Variants in OSBPL6 observed in about 807,000 individuals in gnomAD.
OSBPL6 encodes oxysterol binding protein like 6.
OSBPL6 carries 49 observed loss-of-function variants against 125.8 expected under a neutral mutation model. The ratio of observed to expected loss-of-function variants is 0.39; its 90% CI spans 0.31 to 0.49. OSBPL6 has a LOEUF of 0.49. Ranked by LOEUF, OSBPL6 falls within the 20% of genes least tolerant of loss-of-function variation. OSBPL6 has a pLI of 0.88. For synonymous variants in OSBPL6, 394 were observed against 391.8 expected, an observed-to-expected ratio of 1.01 and a Z score of -0.07; for missense variants, 986 against 1,135.4, an observed-to-expected ratio of 0.87 and a Z score of 1.89.
intron 3 of OSBPL6, among the ~76,000 whole-genome samples, chr2:178,317,079 C>A (rs181571678): frequency 6.6e-6 from 1 of 151,580 alleles, no homozygotes; most frequent in African/African-American, 2.4e-5. Flanking sequence ...CTGTTTTCCC[C>A]CCAAAATTTC....
intron 1 of OSBPL6, among the ~76,000 whole-genome samples, chr2:178,248,457 A>G (rs753503309): frequency 6.6e-6 from 1 of 152,112 alleles, no homozygotes; most frequent in Non-Finnish European, 1.5e-5. Flanking sequence ...TTCTTGATGC[A>G]TATTGTTGAA....
rs987643788 is a variant in OSBPL6 at position 178,256,550 on chromosome 2, G to A, written c.-350-28377G>A. ...TTAGCCAGTGCTTCTCAAGGAAGTC[G>A]TGTGGAAAAGAGTGAATGCAGCGTC... On this transcript the variant is annotated intron_variant, in intron 1 of 24. Transcript: ENST00000190611. Among the ~76,000 whole-genome samples, 14 of 152,294 alleles carry A rather than the reference G, an allele frequency of 9.2e-5. No individual in the cohort carries two copies. In the East Asian group the frequency reaches 9.6e-4, roughly 10 times the overall value.
intron 3 of OSBPL6, chr2:178,320,233 A>G (rs920086910): frequency 2.1e-5 from 34 of 1,589,598 alleles, no homozygotes; most frequent in Non-Finnish European, 2.6e-5. Context: ...GACTACAGTC[A>G]TGTTGGCACA....
chr2:178,336,981 T>C (rs1283291242), intron 9 of OSBPL6, among the ~76,000 whole-genome samples: 1 of 152,252 alleles, frequency 6.6e-6, no homozygotes, highest in African/African-American at 2.4e-5. Flanking sequence ...TGCTCCACTG[T>C]GGATCAGTGA....
intron 1 of OSBPL6, among the ~76,000 whole-genome samples, chr2:178,225,276 A>G (rs2090509522): frequency 6.6e-6 from 1 of 151,980 alleles, no homozygotes; most frequent in Admixed American, 6.6e-5. Flanking sequence ...AAAAGAAAAG[A>G]AAAAAGGCTG....
intron 1 of OSBPL6, among the ~76,000 whole-genome samples, chr2:178,257,384 G>A (rs896529109): frequency 1.3e-5 from 2 of 152,080 alleles, no homozygotes; most frequent in Admixed American, 6.5e-5. Context: ...GAATCATATA[G>A]TATACTTTGT....
intron 15 of OSBPL6, among the ~76,000 whole-genome samples, chr2:178,379,355 G>GAA (rs1559314895): frequency 3.1e-5 from 4 of 129,696 alleles, no homozygotes; most frequent in Non-Finnish European, 5.0e-5. Flanking sequence ...AGGGAGGGAG[G>GAA]GGAAGGAAGG....
intron 1 of OSBPL6, among the ~76,000 whole-genome samples, chr2:178,247,272 C>T (rs2091530331): frequency 6.6e-6 from 1 of 151,314 alleles, no homozygotes; most frequent in Non-Finnish European, 1.5e-5. Flanking sequence ...TGGTGTTGTC[C>T]ATTTCTGTTC....
intron 1 of OSBPL6, among the ~76,000 whole-genome samples, chr2:178,215,552 C>T (rs762149920): frequency 3.3e-5 from 5 of 151,978 alleles, no homozygotes; most frequent in Admixed American, 2.0e-4. Flanking sequence ...GGAGTATAGA[C>T]GGTGAGAGAG....
intron 23 of OSBPL6, 90 bp downstream of exon 23, chr2:178,392,628 G>A (rs1695505774): frequency 1.3e-6 from 2 of 1,490,774 alleles, no homozygotes; most frequent in Non-Finnish European, 1.8e-6. Flanking sequence ...GGCTGAGGAG[G>A]GAAGATCACT....
rs371495912 is a variant in OSBPL6, at chr2:178,374,003, C to T, written c.1509C>T (p.Leu503=). The change falls in exon 15 of 25, where the codon CTC becomes CTT. Residue 503 remains leucine, a synonymous_variant. Transcript: ENST00000190611. ...TCTTTGATGCCCAAGAGGTGCTCCT[C>T]TCTGCAAGTTCGTCAGAGAATGAGG... is the stretch of plus-strand genomic sequence containing the variant. ...SEFFDAQEVL[L]SASSSENEAS... 13 of 1,613,972 alleles carry T rather than the reference C, an allele frequency of 8.1e-6. No homozygotes were observed. In the East Asian group the frequency reaches 2.2e-4, roughly 28 times the overall value.
intron 17 of OSBPL6, 106 bp downstream of exon 17, chr2:178,383,383 A>C (rs572860222): frequency 9.2e-6 from 13 of 1,412,614 alleles, no homozygotes; most frequent in Non-Finnish European, 1.2e-5. Flanking sequence ...TAATATTCTT[A>C]CTGCATAGTA....
chr2:178,304,177 C>T (rs1686545676), intron 2 of OSBPL6, among the ~76,000 whole-genome samples: 1 of 152,122 alleles, frequency 6.6e-6, no homozygotes, highest in Non-Finnish European at 1.5e-5. Context: ...CTCATGTCGT[C>T]ATATGGCAGG....
chr2:178,277,893 C>A (rs1451638032), intron 1 of OSBPL6, among the ~76,000 whole-genome samples: 1 of 152,166 alleles, frequency 6.6e-6, no homozygotes, highest in Non-Finnish European at 1.5e-5. Flanking sequence ...AGTATGATCA[C>A]GTGGCTCTCC....
chr2:178,240,553 AAACT>A (rs1030320760), intron 1 of OSBPL6, among the ~76,000 whole-genome samples: 16 of 152,156 alleles, frequency 1.1e-4, no homozygotes, highest in East Asian at 9.7e-4. Context: ...GGGCGTCTCA[AAACT>A]AACTAACTAA....
At position 178,398,279 on chromosome 2, in the gene OSBPL6, C is replaced by T. The variant is rs760181570; in HGVS notation, c.*2720C>T. 17 of 152,176 alleles carry T rather than the reference C, an allele frequency of 1.1e-4. No individual in the cohort carries two copies. Among genetic ancestry groups the T allele is most frequent in the Admixed American group, 3.3e-4 (5 of 15,290 alleles). The allele number at this position is 152,176 out of a possible 1,614,324, so 9.4% of individuals were successfully genotyped here. ...AACCTTTTTATTTCAGGCCTACTTT[C>T]TTGTTTTTTCCTAAAAGGATCTAGG... On this transcript the variant is annotated 3_prime_UTR_variant, in exon 25 of 25. Coordinates refer to ENST00000190611, the MANE Select transcript of OSBPL6 (RefSeq NM_032523.4).
At chr2:178,305,844 TCC>T (rs1686712979) in intron 2 of OSBPL6, among the ~76,000 whole-genome samples, 184 bp from the exon 3 acceptor site, 1 of 69,106 alleles carries the variant, frequency 1.4e-5, no homozygotes, top group South Asian at 5.4e-4. Context: ...TTGTTAACAG[TCC>T]TTTTTTTTTT....
intron 2 of OSBPL6, among the ~76,000 whole-genome samples, chr2:178,300,735 C>T (rs1012579030): frequency 1.1e-4 from 16 of 152,204 alleles, no homozygotes; most frequent in African/African-American, 3.6e-4. Flanking sequence ...GGATTACAGG[C>T]ATGAGCTACC....
At chr2:178,331,667 C>T in intron 6 of OSBPL6, 62 bp downstream of exon 6, 5 of 1,528,404 alleles carry the variant, frequency 3.3e-6, no homozygotes, top group Non-Finnish European at 4.5e-6. Context: ...AGTGAGTAAA[C>T]ACTGTAATTG....
Sources: gnomAD v4.1 joint callset for allele counts (sites outside exome capture counted in the v4.1 genomes callset) on GRCh38, gnomAD v4.1.1 for gene constraint, MANE v1.5 for transcripts, NCBI Gene and HGNC (gene_info 2026-07-23, HGNC 2026-07-21) for gene names.